Variants in EFCAB5 observed in about 807,000 individuals in gnomAD.
EFCAB5 encodes EF-hand calcium-binding domain-containing protein 5.
In EFCAB5, 131 loss-of-function variants were observed where a neutral mutation model predicts 167.9. The ratio of observed to expected loss-of-function variants is 0.78; its 90% CI spans 0.68 to 0.90. EFCAB5 has a LOEUF of 0.90. EFCAB5 is among the 40% of genes least tolerant of loss of function. EFCAB5 has a pLI of 0.00. For missense variants in EFCAB5, 1,663 were observed against 1,745.2 expected (o/e 0.95, Z 0.84); for synonymous variants, 574 against 602.8 (o/e 0.95, Z 0.70).
At chr17:30,029,344 C>T (rs974764969) in intron 7 of EFCAB5, among the ~76,000 whole-genome samples, 2 of 152,188 alleles carry the variant, frequency 1.3e-5, no homozygotes, top group Non-Finnish European at 2.9e-5. Context: ...TATTAGCCTA[C>T]AGTCGCAAAA....
At chr17:30,024,764 T>C (rs954237023) in intron 7 of EFCAB5, among the ~76,000 whole-genome samples, 1 of 152,090 alleles carries the variant, frequency 6.6e-6, no homozygotes, top group Non-Finnish European at 1.5e-5. Flanking sequence ...GGAGGCATCA[T>C]GCTACCTGAC....
intron 1 of EFCAB5, 23 bp from the exon 2 acceptor site, chr17:29,942,217 T>C (rs2067308661): frequency 1.3e-6 from 2 of 1,566,432 alleles, no homozygotes; most frequent in African/African-American, 2.7e-5. Flanking sequence ...GGATGCCATT[T>C]ACTAACACTG....
At chr17:30,012,212 G>A (rs959918258) in intron 7 of EFCAB5, among the ~76,000 whole-genome samples, 1 of 152,094 alleles carries the variant, frequency 6.6e-6, no homozygotes. Context: ...GATCGGGAAA[G>A]GGAGTCTCCC....
intron 17 of EFCAB5, among the ~76,000 whole-genome samples, chr17:30,082,246 T>C (rs7212292): frequency 0.51 from 78,011 of 152,010 alleles, 20,433 homozygotes; most frequent in African/African-American, 0.57. Flanking sequence ...AGATTGGCAT[T>C]CGTTCTTGGC....
chr17:30,108,390 G>C lies in EFCAB5; in HGVS notation c.*366G>C, dbSNP rs915806282. 1 of 159,662 alleles carries C rather than the reference G, an allele frequency of 6.3e-6. No homozygotes were observed. Among genetic ancestry groups the C allele is most frequent in the African/African-American group, 2.4e-5 (1 of 41,542 alleles). The allele number at this position is 159,662 out of a possible 1,614,324, so 9.9% of individuals were successfully genotyped here. A position where few individuals can be genotyped will look rare whatever the true frequency, so the allele number is the denominator to read the frequency against. On this transcript the variant is annotated 3_prime_UTR_variant, in exon 23 of 23. Transcript: ENST00000394835. ...ATTTAGAAAACAAGAATACCAAATA[G>C]AATACGAAATAATAAAGATAAACCA...
intron 14 of EFCAB5, chr17:30,073,201 G>A (rs1242515607): frequency 2.9e-6 from 2 of 690,692 alleles, no homozygotes; most frequent in African/African-American, 1.8e-5. Context: ...GACTACAGGT[G>A]TGCATCATCA....
intron 3 of EFCAB5, among the ~76,000 whole-genome samples, chr17:29,951,477 A>G (rs1435747630): frequency 6.6e-6 from 1 of 151,062 alleles, no homozygotes; most frequent in Non-Finnish European, 1.5e-5. Flanking sequence ...AGCTGGGACC[A>G]CAGGTGCCCG....
At chr17:30,083,163 C>T in intron 18 of EFCAB5, 120 bp downstream of exon 18, 2 of 1,297,522 alleles carry the variant, frequency 1.5e-6, no homozygotes. Context: ...ACAGATTTCC[C>T]AATACAAGAC....
intron 12 of EFCAB5, 22 bp from the exon 13 acceptor site, chr17:30,057,654 G>C: frequency 6.3e-7 from 1 of 1,596,554 alleles, no homozygotes; most frequent in Non-Finnish European, 8.6e-7. Flanking sequence ...TTTACTGCTT[G>C]GTAATGTTTC....
At chr17:30,006,102 CTG>C (rs1469742545) in intron 7 of EFCAB5, among the ~76,000 whole-genome samples, 1 of 152,206 alleles carries the variant, frequency 6.6e-6, no homozygotes, top group East Asian at 1.9e-4. Flanking sequence ...TAAAACCAAA[CTG>C]TAATCCGACT....
intron 1 of EFCAB5, chr17:29,930,333 C>A: frequency 3.0e-6 from 1 of 334,650 alleles, no homozygotes; most frequent in Non-Finnish European, 5.5e-6. Flanking sequence ...TGGCCGAGTG[C>A]GTGCGCCTCG....
intron 1 of EFCAB5, among the ~76,000 whole-genome samples, chr17:29,934,023 G>A (rs1046826989): frequency 6.6e-6 from 1 of 152,110 alleles, no homozygotes; most frequent in Non-Finnish European, 1.5e-5. Context: ...ACATATTAAG[G>A]ATGACACTAA....
At chr17:30,058,296 A>G (rs535809021) in intron 13 of EFCAB5, among the ~76,000 whole-genome samples, 1 of 152,222 alleles carries the variant, frequency 6.6e-6, no homozygotes, top group African/African-American at 2.4e-5. Flanking sequence ...CAGGTAGTAC[A>G]TATTTCCTAA....
intron 3 of EFCAB5, among the ~76,000 whole-genome samples, chr17:29,956,321 A>G (rs2067614396): frequency 6.6e-6 from 1 of 152,262 alleles, no homozygotes; most frequent in Admixed American, 6.5e-5. Context: ...CAGCTTCCAG[A>G]ACCAGAAAAG....
intron 22 of EFCAB5, 66 bp from the exon 23 acceptor site, chr17:30,107,768 C>T (rs1483976613): frequency 3.1e-6 from 4 of 1,294,254 alleles, no homozygotes; most frequent in African/African-American, 1.6e-5. Context: ...AATATTAGAA[C>T]TTATAATTTT....
chr17:30,060,415 A>G (rs139301412), intron 14 of EFCAB5, among the ~76,000 whole-genome samples: 161 of 152,282 alleles, frequency 1.1e-3, no homozygotes, highest in African/African-American at 3.7e-3. Context: ...TACCAGTCAA[A>G]AGCCACTAAA....
At chr17:30,039,919 T>C (rs149139827) in intron 8 of EFCAB5, among the ~76,000 whole-genome samples, 81 of 152,242 alleles carry the variant, frequency 5.3e-4, no homozygotes, top group African/African-American at 1.9e-3. Context: ...TCATGCCAAA[T>C]GACAAAAGCA....
chr17:30,091,319 C>G (rs777504827), intron 20 of EFCAB5, among the ~76,000 whole-genome samples: 2 of 152,154 alleles, frequency 1.3e-5, no homozygotes, highest in African/African-American at 2.4e-5. Flanking sequence ...GGAAGAAGGC[C>G]TGGAAACCTT....
chr17:30,050,153 A>G (rs75156729), intron 8 of EFCAB5, among the ~76,000 whole-genome samples: 3 of 148,008 alleles, frequency 2.0e-5, no homozygotes, highest in African/African-American at 5.0e-5. Flanking sequence ...TTTTTTTTTT[A>G]GATGGAATTT....
Sources: allele counts gnomAD v4.1 joint callset (sites outside exome capture counted in the v4.1 genomes callset), GRCh38; gene constraint gnomAD v4.1.1; transcripts MANE v1.5; gene names NCBI Gene and HGNC (gene_info 2026-07-23, HGNC 2026-07-21).